MAD1L1: variants seen among roughly 807,000 people sequenced by gnomAD.
MAD1L1 encodes mitotic arrest deficient 1 like 1, also known as mitotic spindle assembly checkpoint protein MAD1.
Under a neutral mutation model 96.9 loss-of-function variants are expected in MAD1L1, and 95 were observed. The ratio of observed to expected loss-of-function variants is 0.98; its 90% CI spans 0.83 to 1.16. MAD1L1 has a LOEUF of 1.16. Ranked by LOEUF, MAD1L1 falls within the 50% of genes most tolerant of loss-of-function variation. MAD1L1 has a pLI of 0.00. For synonymous variants in MAD1L1, 473 were observed against 396.6 expected (o/e 1.19, Z -2.29); for missense variants, 1,007 against 954.4 (o/e 1.06, Z -0.73).
chr7:1,915,430 C>T (rs1456689287), intron 17 of MAD1L1, among the ~76,000 whole-genome samples: 1 of 152,134 alleles, frequency 6.6e-6, no homozygotes, highest in Non-Finnish European at 1.5e-5. Context: ...CAGAAAGCTG[C>T]AGGGCCAGGG....
chr7:1,874,433 C>A, intron 18 of MAD1L1: 1 of 436,468 alleles, frequency 2.3e-6, no homozygotes, highest in Non-Finnish European at 4.5e-6. Context: ...TCGAGGGTAG[C>A]ACCCGCCGTG....
At chr7:1,851,977 C>T (rs1562457960) in intron 18 of MAD1L1, among the ~76,000 whole-genome samples, 1 of 152,068 alleles carries the variant, frequency 6.6e-6, no homozygotes, top group Non-Finnish European at 1.5e-5. Flanking sequence ...CACGGGTGGG[C>T]GGACAGTGTC....
At chr7:1,889,977 C>T (rs1786435864) in intron 18 of MAD1L1, among the ~76,000 whole-genome samples, 1 of 152,188 alleles carries the variant, frequency 6.6e-6, no homozygotes, top group Non-Finnish European at 1.5e-5. Flanking sequence ...TGCCCACCCA[C>T]AGGGCTGTGA....
At chr7:1,874,888 G>A (rs958429655) in intron 18 of MAD1L1, among the ~76,000 whole-genome samples, 3 of 152,074 alleles carry the variant, frequency 2.0e-5, no homozygotes, top group Non-Finnish European at 2.9e-5. Context: ...CATGGAGACC[G>A]GCCACACCCC....
chr7:2,168,508 C>T (rs1790547328), intron 10 of MAD1L1, among the ~76,000 whole-genome samples: 1 of 152,226 alleles, frequency 6.6e-6, no homozygotes, highest in African/African-American at 2.4e-5. Context: ...GGCTGTGGCC[C>T]CAGCTGGTCC....
intron 11 of MAD1L1, among the ~76,000 whole-genome samples, chr7:2,141,165 G>A (rs991751187): frequency 6.6e-6 from 1 of 152,260 alleles, no homozygotes; most frequent in Non-Finnish European, 1.5e-5. Context: ...CCTGGGGAGG[G>A]AACAGGTTCA....
intron 18 of MAD1L1, among the ~76,000 whole-genome samples, chr7:1,858,988 T>C (rs762844073): frequency 7.2e-5 from 11 of 151,942 alleles, no homozygotes; most frequent in Admixed American, 2.0e-4. Flanking sequence ...ACAGCTCAGA[T>C]CTGGGGGGCG....
At chr7:1,859,814 G>A (rs946185751) in intron 18 of MAD1L1, among the ~76,000 whole-genome samples, 2 of 151,150 alleles carry the variant, frequency 1.3e-5, no homozygotes, top group Non-Finnish European at 3.0e-5. Context: ...GACATCCAGC[G>A]GGGTGGCCTC....
chr7:2,192,921 GA>G (rs1169713568), intron 10 of MAD1L1, among the ~76,000 whole-genome samples: 1 of 152,100 alleles, frequency 6.6e-6, no homozygotes, highest in African/African-American at 2.4e-5. Context: ...TTTAGAAAAG[GA>G]AAAAACTGTG....
At chr7:1,958,447 A>G (rs551275969) in intron 15 of MAD1L1, among the ~76,000 whole-genome samples, 6 of 152,324 alleles carry the variant, frequency 3.9e-5, no homozygotes, top group African/African-American at 1.4e-4. Context: ...TGGAAAGATT[A>G]CTCGACACCG....
chr7:1,995,256 G>A (rs1464461094), intron 14 of MAD1L1, among the ~76,000 whole-genome samples: 2 of 152,234 alleles, frequency 1.3e-5, no homozygotes, highest in African/African-American at 2.4e-5. Flanking sequence ...GAGGCTGGAC[G>A]CAGGGAAACC....
intron 17 of MAD1L1, among the ~76,000 whole-genome samples, chr7:1,907,663 G>A (rs754395015): frequency 7.9e-5 from 12 of 152,234 alleles, no homozygotes; most frequent in African/African-American, 2.2e-4. Flanking sequence ...TCCTCCCTGG[G>A]TGTGGCAGGA....
intron 10 of MAD1L1, among the ~76,000 whole-genome samples, chr7:2,189,513 G>A (rs1791617790): frequency 6.6e-6 from 1 of 152,194 alleles, no homozygotes; most frequent in Non-Finnish European, 1.5e-5. Context: ...GATCCCTGAG[G>A]ACATTATGTT....
In MAD1L1 at chr7:2,147,256, G is replaced by C. The variant is rs184934392; in HGVS notation, c.1073+1896C>G. ...AAGGAGCAGACCAGCCGCCCCCCAG[G>C]ACCTGCAGGCAAGAGGGACCGGGAG... On this transcript the variant is annotated intron_variant, in intron 11 of 18. Coordinates refer to ENST00000265854, the MANE Select transcript of MAD1L1 (RefSeq NM_001013836.2). 7.9e-5 allele frequency among the ~76,000 whole-genome samples: 12 copies of C among 152,246 alleles called. No homozygotes were observed. In the East Asian group the frequency reaches 2.1e-3, roughly 27 times the overall value.
chr7:2,144,135 G>A (rs1477310671), intron 11 of MAD1L1, among the ~76,000 whole-genome samples: 3 of 152,190 alleles, frequency 2.0e-5, no homozygotes, highest in South Asian at 4.1e-4. Flanking sequence ...CTGGACGCAC[G>A]TCCTGCTTTC....
At chr7:2,112,443 C>T (rs1787430536) in intron 11 of MAD1L1, among the ~76,000 whole-genome samples, 1 of 152,200 alleles carries the variant, frequency 6.6e-6, no homozygotes, top group Admixed American at 6.5e-5. Context: ...AACGCCACTT[C>T]CACTGGGAAC....
At chr7:1,869,597 G>T (rs1182994038) in intron 18 of MAD1L1, among the ~76,000 whole-genome samples, 3 of 152,090 alleles carry the variant, frequency 2.0e-5, no homozygotes, top group Non-Finnish European at 4.4e-5. Context: ...GTGACAAAAC[G>T]GAACATAACC....
At chr7:2,017,926 G>A (rs2128499742) in intron 12 of MAD1L1, among the ~76,000 whole-genome samples, 1 of 152,238 alleles carries the variant, frequency 6.6e-6, no homozygotes, top group Middle Eastern at 3.4e-3. Context: ...GCCTGGGCTT[G>A]GGAAGGGCAG....
At chr7:2,121,161 G>A (rs1162159438) in intron 11 of MAD1L1, among the ~76,000 whole-genome samples, 1 of 152,256 alleles carries the variant, frequency 6.6e-6, no homozygotes, top group Non-Finnish European at 1.5e-5. Flanking sequence ...GGTGGCTCTG[G>A]GGCCCTTCCC....
Sources: allele counts gnomAD v4.1 joint callset (sites outside exome capture counted in the v4.1 genomes callset), GRCh38; gene constraint gnomAD v4.1.1; transcripts MANE v1.5; gene names NCBI Gene and HGNC (gene_info 2026-07-23, HGNC 2026-07-21).